Variants in XKR9 observed in about 807,000 individuals in gnomAD.
The protein encoded by XKR9 is XK related 9.
In XKR9, 32 loss-of-function variants were observed where a neutral mutation model predicts 32.0. That is an observed-to-expected ratio of 1.00 (90% CI 0.76 to 1.34). The LOEUF is 1.34. XKR9 is among the 40% of genes most tolerant of loss of function. The pLI is 0.00. For synonymous variants in XKR9, 168 were observed against 143.4 expected, an observed-to-expected ratio of 1.17 and a Z score of -1.22; for missense variants, 546 against 429.7, an observed-to-expected ratio of 1.27 and a Z score of -2.39.
At chr8:70,877,314 C>A in the XKR9 span, among the ~76,000 whole-genome samples, 1 of 152,290 alleles carries the variant, frequency 6.6e-6, no homozygotes, top group South Asian at 2.1e-4. Context: ...GGGACACAGC[C>A]AAATCATATC....
At chr8:70,856,537 G>C in the XKR9 span, among the ~76,000 whole-genome samples, 48,463 of 151,910 alleles carry the variant, frequency 0.32, 9,086 homozygotes, top group Non-Finnish European at 0.43. Context: ...GACTTTAACA[G>C]CCCACTGTCA....
intron 4 of XKR9, among the ~76,000 whole-genome samples, chr8:70,710,722 C>G (rs1030648483): frequency 1.4e-5 from 2 of 143,486 alleles, no homozygotes; most frequent in African/African-American, 5.0e-5. Flanking sequence ...ACAACAACAA[C>G]AAAAACAAAT....
chr8:70,792,532 G>A (rs530122324), downstream of XKR9, among the ~76,000 whole-genome samples: 886 of 152,190 alleles, frequency 5.8e-3, 9 homozygotes, highest in Non-Finnish European at 7.5e-3. Flanking sequence ...ACAAAAGAAA[G>A]AAATGAACTA....
chr8:71,034,118 A>G, the XKR9 span, among the ~76,000 whole-genome samples: 4 of 152,146 alleles, frequency 2.6e-5, no homozygotes, highest in African/African-American at 9.7e-5. Context: ...AGTGATTGAT[A>G]TGGTCTGGCT....
the XKR9 span, among the ~76,000 whole-genome samples, chr8:70,996,273 G>T: frequency 6.6e-6 from 1 of 152,268 alleles, no homozygotes; most frequent in South Asian, 2.1e-4. Context: ...CCCTAGGTCT[G>T]CTTGGAGTGT....
At chr8:70,886,014 A>G in the XKR9 span, among the ~76,000 whole-genome samples, 1 of 151,998 alleles carries the variant, frequency 6.6e-6, no homozygotes, top group South Asian at 2.1e-4. Context: ...GACATTAGGT[A>G]TTTCTCCTAA....
At chr8:70,916,231 A>G in the XKR9 span, among the ~76,000 whole-genome samples, 2 of 152,126 alleles carry the variant, frequency 1.3e-5, no homozygotes, top group Non-Finnish European at 2.9e-5. Flanking sequence ...TTATTGGGTA[A>G]TTATCCTCCT....
At chr8:70,757,940 A>T (rs1807252952) in intron 2 of XKR9, among the ~76,000 whole-genome samples, 1 of 152,044 alleles carries the variant, frequency 6.6e-6, no homozygotes, top group African/African-American at 2.4e-5. Flanking sequence ...GTTAAATCTG[A>T]CATCTGGTTG....
At chr8:70,962,456 C>T in the XKR9 span, among the ~76,000 whole-genome samples, 7 of 152,074 alleles carry the variant, frequency 4.6e-5, no homozygotes, top group Non-Finnish European at 8.8e-5. Context: ...TGAGAACATG[C>T]GGTATTTGGT....
At chr8:70,693,951 A>G (rs760289337) in intron 3 of XKR9, among the ~76,000 whole-genome samples, 1 of 152,130 alleles carries the variant, frequency 6.6e-6, no homozygotes, top group Non-Finnish European at 1.5e-5. Context: ...CTGAGTTGGT[A>G]CTGGCTTGGT....
At chr8:70,856,483 G>T in the XKR9 span, among the ~76,000 whole-genome samples, 9 of 151,630 alleles carry the variant, frequency 5.9e-5, no homozygotes, top group Non-Finnish European at 1.3e-4. Flanking sequence ...CAAGTCCTTA[G>T]AGACCTACAA....
chr8:70,700,138 T>C (rs1805464627), intron 3 of XKR9, among the ~76,000 whole-genome samples: 1 of 152,338 alleles, frequency 6.6e-6, no homozygotes, highest in East Asian at 1.9e-4. Context: ...TTTCCTCCTG[T>C]AGGTCAGAGT....
intron 2 of XKR9, among the ~76,000 whole-genome samples, chr8:70,750,623 C>G (rs1314501558): frequency 6.6e-6 from 1 of 152,066 alleles, no homozygotes; most frequent in Non-Finnish European, 1.5e-5. Flanking sequence ...TTTTAGAAAA[C>G]AGCTTTCTTG....
At chr8:70,893,231 T>C in the XKR9 span, among the ~76,000 whole-genome samples, 1 of 152,230 alleles carries the variant, frequency 6.6e-6, no homozygotes, top group Non-Finnish European at 1.5e-5. Flanking sequence ...TTCATTCATA[T>C]TGTGAATTGT....
the XKR9 span, among the ~76,000 whole-genome samples, chr8:70,892,269 C>G: frequency 6.6e-6 from 1 of 151,966 alleles, no homozygotes; most frequent in African/African-American, 2.4e-5. Flanking sequence ...TACTGATAGG[C>G]AAGGACTTAC....
the XKR9 span, among the ~76,000 whole-genome samples, chr8:70,928,580 T>G: frequency 1.3e-5 from 2 of 152,160 alleles, no homozygotes; most frequent in African/African-American, 4.8e-5. Flanking sequence ...CTAGCCCATA[T>G]ACTTTAGTTG....
chr8:70,681,736 T>C (rs1041472950), intron 3 of XKR9, among the ~76,000 whole-genome samples: 1 of 152,108 alleles, frequency 6.6e-6, no homozygotes, highest in Non-Finnish European at 1.5e-5. Flanking sequence ...GCTGCAATAA[T>C]GCAGTAGCTA....
At chr8:70,715,933 T>G (rs1347069239) in intron 4 of XKR9, among the ~76,000 whole-genome samples, 1 of 151,936 alleles carries the variant, frequency 6.6e-6, no homozygotes, top group African/African-American at 2.4e-5. Context: ...TTCTGAGAAA[T>G]TTTTTTCAGG....
At chr8:70,978,923 T>G in the XKR9 span, among the ~76,000 whole-genome samples, 2 of 152,274 alleles carry the variant, frequency 1.3e-5, no homozygotes, top group Non-Finnish European at 2.9e-5. Context: ...TCTTGGAGGC[T>G]TTCTTCGTTT....
Sources: allele counts gnomAD v4.1 joint callset (sites outside exome capture counted in the v4.1 genomes callset), GRCh38; gene constraint gnomAD v4.1.1; transcripts MANE v1.5; gene names NCBI Gene and HGNC (gene_info 2026-07-23, HGNC 2026-07-21).